Variants in MAPKAPK2 observed in about 807,000 individuals in gnomAD.
The protein encoded by MAPKAPK2 is MAPK activated protein kinase 2, also known as MAP kinase-activated protein kinase 2.
A neutral mutation model predicts 48.8 loss-of-function variants in MAPKAPK2; 9 were observed. The observed-to-expected ratio is 0.18, with a 90% CI of 0.11 to 0.32. MAPKAPK2 has a LOEUF of 0.32. Among genes scored for constraint, MAPKAPK2 ranks in the 10% least tolerant of loss-of-function variants. The probability of loss-of-function intolerance (pLI) is 1.00; values close to 1 mark genes in which losing one functional copy is unlikely to be tolerated. For synonymous variants in MAPKAPK2, 202 were observed against 190.6 expected, an observed-to-expected ratio of 1.06 and a Z score of -0.49; for missense variants, 331 against 498.3, an observed-to-expected ratio of 0.66 and a Z score of 3.20.
chr1:206,699,931 TTTC>T (rs751045246), intron 1 of MAPKAPK2, among the ~76,000 whole-genome samples: 67 of 151,990 alleles, frequency 4.4e-4, no homozygotes, highest in Non-Finnish European at 7.8e-4. Flanking sequence ...TCTCTCTCTT[TTTC>T]TTTTCTCCTT....
rs1463057728 is a variant in MAPKAPK2 at position 206,731,742 on chromosome 1, G to T, written c.978+17G>T. 8 of 1,613,234 alleles carry T rather than the reference G, an allele frequency of 5.0e-6. No homozygotes were observed. Among genetic ancestry groups the T allele is most frequent in the Non-Finnish European group, 6.8e-6 (8 of 1,179,248 alleles). On this transcript the variant is annotated intron_variant, in intron 8 of 9. Coordinates refer to ENST00000367103, the MANE Select transcript of MAPKAPK2 (RefSeq NM_032960.4). This position sits in a 1 kb window ranked among gnomAD's most constrained non-coding sequence, Gnocchi z 5.9. ...TGGATCATGGTAAGCTCGGCAGGCT[G>T]GGGAGCCTTGGGTCTCACGGGACTA...
At chr1:206,723,017 C>T (rs914725288) in intron 1 of MAPKAPK2, among the ~76,000 whole-genome samples, 3 of 152,244 alleles carry the variant, frequency 2.0e-5, no homozygotes, top group Admixed American at 6.5e-5. Flanking sequence ...ACATACCGCA[C>T]CACACACCCA....
At chr1:206,729,335 C>T (rs1447300961) in intron 3 of MAPKAPK2, 61 bp from the exon 4 acceptor site, 17 of 1,433,394 alleles carry the variant, frequency 1.2e-5, no homozygotes, top group Non-Finnish European at 1.7e-5. Flanking sequence ...ACTGGGTTTT[C>T]AAGCCTAATG....
Position 206,732,142 on chromosome 1 carries a change from T to G in MAPKAPK2, c.1059+223T>G. 1 of 1,613,666 alleles carries G rather than the reference T, an allele frequency of 6.2e-7. No homozygotes were observed. The highest frequency in any genetic ancestry group is 8.5e-7 in the Non-Finnish European group (1 of 1,179,648). On this transcript the variant is annotated intron_variant, in intron 9 of 9. Transcript: ENST00000367103. The surrounding 1 kb of genome is among the most constrained non-coding windows in gnomAD (Gnocchi z 4.4). Reference sequence around the variant, plus strand: ...AACTCAGTGCTGTTTCTTAGAATCCTTTTATTCCCTGGGTCTCTAATGGGA... The same window carrying G: ...AACTCAGTGCTGTTTCTTAGAATCCGTTTATTCCCTGGGTCTCTAATGGGA...
chr1:206,698,260 G>A (rs921656636), intron 1 of MAPKAPK2, among the ~76,000 whole-genome samples: 1 of 152,224 alleles, frequency 6.6e-6, no homozygotes, highest in African/African-American at 2.4e-5. Flanking sequence ...TGGAATGGCA[G>A]AACAGTCAAG....
chr1:206,723,282 A>G (rs1410017944), intron 1 of MAPKAPK2, among the ~76,000 whole-genome samples: 4 of 152,166 alleles, frequency 2.6e-5, no homozygotes, highest in Non-Finnish European at 5.9e-5. Context: ...TGCCCCCCCC[A>G]GTGGGACTCC....
At chr1:206,691,512 TACACAG>T (rs1672458225) in intron 1 of MAPKAPK2, among the ~76,000 whole-genome samples, 17 of 142,206 alleles carry the variant, frequency 1.2e-4, no homozygotes, top group Non-Finnish European at 1.4e-4. Flanking sequence ...TATACACACA[TACACAG>T]ATATAGATAT....
chr1:206,732,707 C>G lies in MAPKAPK2; in HGVS notation c.1192C>G (p.Leu398Val), dbSNP rs782282911. 24 of 1,614,100 alleles carry G rather than the reference C, an allele frequency of 1.5e-5. No homozygotes were observed. The highest frequency in any genetic ancestry group is 1.3e-4 in the Admixed American group (8 of 60,016). Residue 398 changes from leucine (L) to valine (V), a missense_variant, in exon 10 of 10, where the codon CTG (leucine) becomes GTG (valine). This residue lies in a region of MAPKAPK2 where 124 missense variants were observed against 194.6 expected (regional missense o/e 0.64). Transcript: ENST00000367103. The surrounding 1 kb of genome is among the most constrained non-coding windows in gnomAD (Gnocchi z 4.4). ...AGCTCGGGCCCTGGAGGCTGCGGCT[C>G]TGGCCCACTGAGCCACCGCGCCCTC... ...KKARALEAAALAH is the reference protein window; with the variant it reads ...KKARALEAAAVAH
chr1:206,716,886 G>C (rs1244401636), intron 1 of MAPKAPK2, among the ~76,000 whole-genome samples: 3 of 151,744 alleles, frequency 2.0e-5, no homozygotes, highest in African/African-American at 7.3e-5. Context: ...GGAACATTTA[G>C]GGTGTTTCCT....
chr1:206,719,010 T>TATCATCTG (rs1673430917), intron 1 of MAPKAPK2, among the ~76,000 whole-genome samples: 1 of 152,172 alleles, frequency 6.6e-6, no homozygotes, highest in Non-Finnish European at 1.5e-5. Context: ...CTGGTGAAAT[T>TATCATCTG]ATCATCTTTT....
rs1672252504 is a variant in MAPKAPK2 at position 206,685,371 on chromosome 1, G to A, written c.142G>A (p.Val48Ile). Residue 48 changes from valine to isoleucine, a missense_variant, in exon 1 of 10, where the codon GTC becomes ATC. By Grantham distance (29) the Val-to-Ile change is conservative. Transcript: ENST00000367103. Reference sequence around the variant, plus strand: ...CCCGCAGCAGTTCCCGCAGTTCCACGTCAAGTCCGGCCTGCAGATCAAGAA... The same window carrying A: ...CCCGCAGCAGTTCCCGCAGTTCCACATCAAGTCCGGCCTGCAGATCAAGAA... ...PPPQQFPQFH[V>I]KSGLQIKKNA... 7.0e-7 allele frequency: 1 copy of A among 1,433,150 alleles called. No homozygotes were observed. The allele number at this position is 1,433,150 out of a possible 1,614,324, so 88.8% of individuals were successfully genotyped here.
In MAPKAPK2 at chr1:206,732,679, G is replaced by A; in HGVS notation, c.1164G>A (p.Lys388=). 2 of 1,614,242 alleles carry A rather than the reference G, an allele frequency of 1.2e-6. No individual in the cohort carries two copies. The highest frequency in any genetic ancestry group is 8.5e-7 in the Non-Finnish European group (1 of 1,180,044). The change falls in exon 10 of 10, where the codon AAG becomes AAA. Residue 388 remains lysine (K), a synonymous_variant. Coordinates refer to ENST00000367103, the MANE Select transcript of MAPKAPK2 (RefSeq NM_032960.4). This position sits in a 1 kb window ranked among gnomAD's most constrained non-coding sequence, Gnocchi z 4.4. ...ASNPLLLKRR[K]KARALEAAAL... Reference sequence around the variant, plus strand: ...ACCCTCTGCTGCTGAAGAGGCGGAAGAAAGCTCGGGCCCTGGAGGCTGCGG... The same window carrying A: ...ACCCTCTGCTGCTGAAGAGGCGGAAAAAAGCTCGGGCCCTGGAGGCTGCGG...
chr1:206,724,709 T>A (rs1481682673), intron 1 of MAPKAPK2, among the ~76,000 whole-genome samples: 1 of 152,138 alleles, frequency 6.6e-6, no homozygotes, highest in East Asian at 1.9e-4. Context: ...CAGCTCACCC[T>A]CAGTCACTGG....
At chr1:206,728,322 C>G (rs1414084231) in intron 1 of MAPKAPK2, among the ~76,000 whole-genome samples, 2 of 152,164 alleles carry the variant, frequency 1.3e-5, no homozygotes, top group East Asian at 3.9e-4. Flanking sequence ...TTCTCTCTAG[C>G]CCCCTTTCCA....
In MAPKAPK2 at chr1:206,733,280, ATGTGTGTG is replaced by A. The variant is rs5780359; in HGVS notation, c.*581_*588del. ...GTGCCAGACAAATAGGAGTGAGTGT[ATGTGTGTG>A]TGTGTGTGTGTGTGTGTGCACACGT... On this transcript the variant is annotated 3_prime_UTR_variant, in exon 10 of 10. Transcript: ENST00000367103. The A allele has an allele frequency of 8.8e-3, 1,329 of 151,394 alleles. 7 individuals are homozygous for A. Among genetic ancestry groups the A allele is most frequent in the Middle Eastern group, 0.027 (8 of 296 alleles). 9.4% of individuals were successfully genotyped at this position (151,394 alleles called of 1,614,324 possible). A position where few individuals can be genotyped will look rare whatever the true frequency, so the allele number is the denominator to read the frequency against.
chr1:206,731,087 CA>C lies in MAPKAPK2; in HGVS notation c.768-50del. ...TCTCATCCTGTTCCTGGTACAGGGC[CA>C]CTAAGTGACAGCTGTTCTGTCTCCC... On this transcript the variant is annotated intron_variant, in intron 6 of 9. Transcript: ENST00000367103. The surrounding 1 kb of genome is among the most constrained non-coding windows in gnomAD (Gnocchi z 5.9). The C allele has an allele frequency of 6.2e-7, 1 of 1,612,302 alleles. No individual in the cohort carries two copies.
At chr1:206,709,933 TG>T (rs1378981132) in intron 1 of MAPKAPK2, among the ~76,000 whole-genome samples, 14 of 152,188 alleles carry the variant, frequency 9.2e-5, no homozygotes, top group African/African-American at 3.4e-4. Flanking sequence ...AAACGTCCCC[TG>T]GGGGGCAAAT....
chr1:206,711,398 G>A (rs563131633), intron 1 of MAPKAPK2, among the ~76,000 whole-genome samples: 143 of 152,032 alleles, frequency 9.4e-4, no homozygotes, highest in African/African-American at 3.4e-3. Context: ...CCACAGGTGC[G>A]TACCACCACA....
intron 4 of MAPKAPK2, 91 bp downstream of exon 4, chr1:206,729,566 C>T (rs952575886): frequency 1.6e-5 from 17 of 1,095,376 alleles, no homozygotes; most frequent in Admixed American, 3.6e-5. Context: ...GGCCACCCTG[C>T]GTCCTTGCTG....
Sources: allele counts gnomAD v4.1 joint callset (sites outside exome capture counted in the v4.1 genomes callset), GRCh38; gene constraint gnomAD v4.1.1; regional missense constraint gnomAD v4.1.1; non-coding constraint Gnocchi (gnomAD v3.1); transcripts MANE v1.5; gene names NCBI Gene and HGNC (gene_info 2026-07-23, HGNC 2026-07-21).